Variants in PRKDC observed in about 807,000 individuals in gnomAD.
PRKDC encodes protein kinase, DNA-activated, catalytic subunit, also known as DNA-dependent protein kinase catalytic subunit.
Under a neutral mutation model 486.9 loss-of-function variants are expected in PRKDC, and 82 were observed. The observed-to-expected ratio is 0.17, with a 90% CI of 0.14 to 0.20. The LOEUF (loss-of-function observed/expected upper bound fraction) is 0.20. Ranked by LOEUF, PRKDC falls within the 10% of genes least tolerant of loss-of-function variation. The pLI, the probability that PRKDC is intolerant of heterozygous loss-of-function variation, is 1.00. For missense variants in PRKDC, 4,504 were observed against 5,038.2 expected (o/e 0.89, Z 3.21); for synonymous variants, 1,895 against 1,837.0 (o/e 1.03, Z -0.81).
chr8:47,853,229 A>T (rs2088453639), intron 51 of PRKDC, among the ~76,000 whole-genome samples: 1 of 152,106 alleles, frequency 6.6e-6, no homozygotes, highest in East Asian at 1.9e-4. Flanking sequence ...CACTCAGGGG[A>T]CTCTGCAAGG....
At chr8:47,775,148 T>C (rs190804691) in intron 85 of PRKDC, among the ~76,000 whole-genome samples, 30 of 151,454 alleles carry the variant, frequency 2.0e-4, no homozygotes, top group East Asian at 9.9e-4. Flanking sequence ...TATCGTGCCA[T>C]TGCACTCCAG....
At chr8:47,941,558 T>C (rs142217410) in intron 10 of PRKDC, among the ~76,000 whole-genome samples, 1 of 152,338 alleles carries the variant, frequency 6.6e-6, no homozygotes, top group East Asian at 1.9e-4. Flanking sequence ...GGGAAAGGAA[T>C]GCTGCCCTGA....
At chr8:47,882,188 AAAAT>A in intron 36 of PRKDC, 91 bp from the exon 37 acceptor site, 1 of 1,199,518 alleles carries the variant, frequency 8.3e-7, no homozygotes, top group Non-Finnish European at 1.2e-6. Flanking sequence ...CTATTCTTGG[AAAAT>A]AAATAAGCTA....
At chr8:47,927,469 G>A (rs752445179) in intron 20 of PRKDC, 116 bp from the exon 21 acceptor site, 102 of 1,210,628 alleles carry the variant, frequency 8.4e-5, no homozygotes, top group Non-Finnish European at 1.1e-4. Flanking sequence ...CTGGATGCCC[G>A]ACACCGCTGG....
Position 47,864,768 on chromosome 8 carries a change from G to A in PRKDC, c.5364-5C>T. 1 of 1,560,608 alleles carries A rather than the reference G, an allele frequency of 6.4e-7. No homozygotes were observed. On this transcript the variant is annotated splice_polypyrimidine_tract_variant and splice_region_variant and intron_variant, in intron 40 of 85. Transcript: ENST00000314191. Reference sequence around the variant, plus strand: ...ACTTGTGTGACACATGAACCCCTAAGAAAACAAGATAAAATTATATGAACA... The same window carrying A: ...ACTTGTGTGACACATGAACCCCTAAAAAAACAAGATAAAATTATATGAACA...
intron 25 of PRKDC, among the ~76,000 whole-genome samples, chr8:47,906,441 C>G (rs1288863426): frequency 6.7e-6 from 1 of 148,376 alleles, no homozygotes; most frequent in Admixed American, 8.2e-5. Context: ...TGTGACCACT[C>G]TGGCCAAAAC....
chr8:47,895,830 G>C (rs1203653796), intron 30 of PRKDC, among the ~76,000 whole-genome samples: 1 of 152,176 alleles, frequency 6.6e-6, no homozygotes, highest in East Asian at 1.9e-4. Flanking sequence ...TACGAGGTCA[G>C]GAGTTTGAGA....
chr8:47,818,024 A>AG (rs774076011), intron 67 of PRKDC, among the ~76,000 whole-genome samples: 1 of 152,178 alleles, frequency 6.6e-6, no homozygotes, highest in Non-Finnish European at 1.5e-5. Context: ...CACAGGTAAT[A>AG]TTTCTAGTGT....
intron 69 of PRKDC, among the ~76,000 whole-genome samples, chr8:47,806,054 C>G (rs1563744269): frequency 6.6e-6 from 1 of 152,184 alleles, no homozygotes; most frequent in Admixed American, 6.5e-5. Context: ...ATCCCATGTC[C>G]AAATCCTTCC....
chr8:47,903,946 A>T (rs2089728261), intron 26 of PRKDC, among the ~76,000 whole-genome samples: 1 of 151,890 alleles, frequency 6.6e-6, no homozygotes, highest in Non-Finnish European at 1.5e-5. Flanking sequence ...ATGTTCAGTC[A>T]CTCTCCCCTA....
At position 47,854,101 on chromosome 8, in the gene PRKDC, C is replaced by T; in HGVS notation, c.6875G>A (p.Cys2292Tyr). ...ANDLPPYDPQ[C>Y]GIQSSEYFQA... ...CACGTACTCGCTACTCTGGATGCCA[C>T]ACTGTGGGTCATAGGGAGGCAGGTC... is the stretch of plus-strand genomic sequence containing the variant. Residue 2292 changes from cysteine to tyrosine, a missense_variant, in exon 51 of 86, where the codon TGT (cysteine) becomes TAT (tyrosine). Coordinates refer to ENST00000314191, the MANE Select transcript of PRKDC (RefSeq NM_006904.7). 6.2e-7 allele frequency: 1 copy of T among 1,613,976 alleles called. No individual in the cohort carries two copies. The highest frequency in any genetic ancestry group is 8.5e-7 in the Non-Finnish European group (1 of 1,179,868).
Position 47,953,918 on chromosome 8 carries a change from A to C in PRKDC, c.510T>G (p.Val170=). The C allele has an allele frequency of 1.3e-6, 2 of 1,516,194 alleles. No individual in the cohort carries two copies. Among genetic ancestry groups the C allele is most frequent in the Non-Finnish European group, 1.8e-6 (2 of 1,124,884 alleles). The allele number at this position is 1,516,194 out of a possible 1,614,324, so 93.9% of individuals were successfully genotyped here. ...LALKKKIPDT[V]LEKVYELLGL... ...CTAGGAGCTCATATACTTTTTCTAA[A>C]ACTGAAAAGAAAATTTTAGACAAGT... Residue 170 remains valine (V), a splice_region_variant and synonymous_variant, in exon 6 of 86, where the codon GTT becomes GTG. Transcript: ENST00000314191.
intron 40 of PRKDC, among the ~76,000 whole-genome samples, chr8:47,873,058 A>C (rs542944886): frequency 1.3e-5 from 2 of 152,270 alleles, no homozygotes; most frequent in Admixed American, 6.5e-5. Flanking sequence ...ACAAGTCTTA[A>C]TACATTCCAA....
chr8:47,900,381 T>C lies in PRKDC; in HGVS notation c.3356A>G (p.Lys1119Arg). ...ESLALAHADE[K>R]SLGTIQQCCD... The stretch of plus-strand genomic sequence containing the variant: ...ACTGAAGCAAAACGTACCTAAGGAC[T>C]TCTCATCTGCATGTGCTAAGGCCAG... Residue 1119 changes from lysine to arginine, a missense_variant, in exon 28 of 86, where the codon AAG (lysine) becomes AGG (arginine). Lys to Arg is a conservative substitution (Grantham distance 26, BLOSUM62 2). Around this residue, in one of 6 missense-constraint regions of PRKDC, gnomAD observed 1,969 missense variants for 2,068.9 expected, o/e 0.95. Transcript: ENST00000314191. The C allele has an allele frequency of 6.2e-7, 1 of 1,607,150 alleles. No homozygotes were observed. Among genetic ancestry groups the C allele is most frequent in the East Asian group, 2.2e-5 (1 of 44,770 alleles).
At chr8:47,958,035 TAG>T (rs2090737012) in intron 1 of PRKDC, among the ~76,000 whole-genome samples, 2 of 152,190 alleles carry the variant, frequency 1.3e-5, no homozygotes, top group African/African-American at 4.8e-5. Flanking sequence ...GGAATTAAGG[TAG>T]CTAATCAGCT....
intron 7 of PRKDC, among the ~76,000 whole-genome samples, chr8:47,948,173 C>T (rs2090568837): frequency 1.3e-5 from 2 of 151,630 alleles, no homozygotes. Flanking sequence ...GAGATGGAGT[C>T]TTGCTCTGTT....
chr8:47,787,337 T>C (rs898088389), intron 76 of PRKDC, among the ~76,000 whole-genome samples: 4 of 152,198 alleles, frequency 2.6e-5, no homozygotes, highest in African/African-American at 9.7e-5. Context: ...GATTTCTTCT[T>C]TGATCTGTAA....
At chr8:47,958,081 C>T (rs1344791495) in intron 1 of PRKDC, among the ~76,000 whole-genome samples, 1 of 152,092 alleles carries the variant, frequency 6.6e-6, no homozygotes, top group African/African-American at 2.4e-5. Flanking sequence ...CTGGATTATC[C>T]AGAGAGCCCA....
At chr8:47,927,386 C>G in intron 20 of PRKDC, 33 bp from the exon 21 acceptor site, 1 of 1,575,836 alleles carries the variant, frequency 6.3e-7, no homozygotes, top group Non-Finnish European at 8.6e-7. Context: ...TAAACTGAAA[C>G]GCAGGAAATA....
Sources: gnomAD v4.1 joint callset for allele counts (sites outside exome capture counted in the v4.1 genomes callset) on GRCh38, gnomAD v4.1.1 for gene constraint, gnomAD v4.1.1 regional missense constraint, MANE v1.5 for transcripts, NCBI Gene and HGNC (gene_info 2026-07-23, HGNC 2026-07-21) for gene names.